The following GRHL1 variants were observed in gnomAD, a reference collection of about 807,000 sequenced individuals.
GRHL1 encodes the protein grainyhead-like protein 1 homolog.
A neutral mutation model predicts 75.7 loss-of-function variants in GRHL1; 38 were observed. The observed-to-expected ratio is 0.50, with a 90% CI of 0.39 to 0.66. The LOEUF (loss-of-function observed/expected upper bound fraction) is 0.66. Among genes scored for constraint, GRHL1 ranks in the 30% least tolerant of loss-of-function variants. GRHL1 has a pLI of 0.00. For missense variants in GRHL1, 589 were observed against 767.5 expected (o/e 0.77, Z 2.75); for synonymous variants, 266 against 279.4 (o/e 0.95, Z 0.48).
Position 10,000,991 on chromosome 2 carries a change from A to T in GRHL1, c.*284A>T. The stretch of plus-strand genomic sequence containing the variant: ...AAAACTTTATTCCAAGAGTTAACAG[A>T]GTCTCTGGGAAGCTTTAGGACATCT... On this transcript the variant is annotated 3_prime_UTR_variant, in exon 16 of 16. Coordinates refer to ENST00000324907, the MANE Select transcript of GRHL1 (RefSeq NM_198182.3). 4.3e-6 allele frequency: 1 copy of T among 230,160 alleles called. No homozygotes were observed. The allele number at this position is 230,160 out of a possible 1,614,324, so 14.3% of individuals were successfully genotyped here.
intron 8 of GRHL1, 121 bp from the exon 9 acceptor site, chr2:9,986,003 A>C (rs1441375955): frequency 2.4e-5 from 16 of 670,456 alleles, no homozygotes. Context: ...TTAAAAAATG[A>C]GAAGCTGAGC....
intron 3 of GRHL1, chr2:9,959,701 T>A (rs559319810): frequency 6.6e-6 from 1 of 152,366 alleles, no homozygotes; most frequent in South Asian, 2.1e-4. Flanking sequence ...TCAACAGTTA[T>A]CAACACAATT....
chr2:9,961,311 C>G lies in GRHL1; in HGVS notation c.544C>G (p.Arg182Gly). The G allele has an allele frequency of 6.2e-7, 1 of 1,614,158 alleles. No individual in the cohort carries two copies. The highest frequency in any genetic ancestry group is 8.5e-7 in the Non-Finnish European group (1 of 1,180,030). Residue 182 changes from arginine to glycine, a missense_variant, in exon 4 of 16, where the codon CGG becomes GGG. Physicochemically the swap from Arg to Gly is moderately radical, Grantham distance 125. Coordinates refer to ENST00000324907, the MANE Select transcript of GRHL1 (RefSeq NM_198182.3). The stretch of plus-strand genomic sequence containing the variant: ...AGTGTATCATCCTGAGCCCACTGAG[C>G]GGGTGGTGGTTTTCGATCGGAATCT... ...PAVYHPEPTERVVVFDRNLNT... is the reference protein window; with the variant it reads ...PAVYHPEPTEGVVVFDRNLNT...
intron 12 of GRHL1, chr2:9,995,308 A>C (rs753704849): frequency 1.3e-5 from 2 of 152,238 alleles, no homozygotes; most frequent in East Asian, 1.9e-4. Flanking sequence ...GAAGCACCAG[A>C]CAGCCAGGCG....
At position 10,002,063 on chromosome 2, in the gene GRHL1, G is replaced by A. The variant is rs975396261; in HGVS notation, c.*1356G>A. Reference sequence around the variant, plus strand: ...TTCAGGGAACTAGACTAGGTCATTCGTGTAAATGGACTGGTAGTTACAGTC... The same window carrying A: ...TTCAGGGAACTAGACTAGGTCATTCATGTAAATGGACTGGTAGTTACAGTC... On this transcript the variant is annotated 3_prime_UTR_variant, in exon 16 of 16. Transcript: ENST00000324907. 5 of 152,600 alleles carry A rather than the reference G, an allele frequency of 3.3e-5. No homozygotes were observed. The highest frequency in any genetic ancestry group is 2.1e-4 in the South Asian group (1 of 4,832). The allele number at this position is 152,600 out of a possible 1,614,324, so 9.5% of individuals were successfully genotyped here.
chr2:9,997,863 A>C (rs1186078083), intron 14 of GRHL1, among the ~76,000 whole-genome samples: 1 of 152,080 alleles, frequency 6.6e-6, no homozygotes, highest in East Asian at 1.9e-4. Context: ...AAAACATGCA[A>C]ATTCTGATTA....
At position 10,001,871 on chromosome 2, in the gene GRHL1, G is replaced by A. The variant is rs1274969232; in HGVS notation, c.*1164G>A. On this transcript the variant is annotated 3_prime_UTR_variant, in exon 16 of 16. Coordinates refer to ENST00000324907, the MANE Select transcript of GRHL1 (RefSeq NM_198182.3). ...TTTTGAGAAATGATTATTTTATCAC[G>A]CATCAGAGCCTTCGTGCTTTGATTA... 2 of 152,406 alleles carry A rather than the reference G, an allele frequency of 1.3e-5. No individual in the cohort carries two copies. Among genetic ancestry groups the A allele is most frequent in the Admixed American group, 6.6e-5 (1 of 15,262 alleles). 9.4% of individuals were successfully genotyped at this position (152,406 alleles called of 1,614,324 possible).
intron 12 of GRHL1, among the ~76,000 whole-genome samples, chr2:9,994,485 C>A (rs13001446): frequency 0.12 from 18,495 of 152,104 alleles, 1,718 homozygotes; most frequent in Admixed American, 0.26. Flanking sequence ...TCCCTCTTCC[C>A]TCATCTTCCA....
At chr2:9,999,478 C>T (rs1387072563) in intron 15 of GRHL1, among the ~76,000 whole-genome samples, 6 of 152,212 alleles carry the variant, frequency 3.9e-5, no homozygotes, top group East Asian at 3.8e-4. Context: ...GCACGTCCCA[C>T]GGTGCTGCGC....
rs1375955973 is a variant in GRHL1 at position 9,992,753 on chromosome 2, T to G, written c.1462-454T>G. Among the ~76,000 whole-genome samples the G allele has an allele frequency of 6.6e-6, 1 of 152,228 alleles. No homozygotes were observed. The highest frequency in any genetic ancestry group is 1.9e-4 in the East Asian group (1 of 5,204). ...CTTTCATGCACTTTGTGGACAGATT[T>G]ATAAGGACTAAAGATTCGTCAGAGT... On this transcript the variant is annotated intron_variant, in intron 11 of 15. Transcript: ENST00000324907. This position sits in a 1 kb window ranked among gnomAD's most constrained non-coding sequence, Gnocchi z 4.6.
intron 7 of GRHL1, 53 bp downstream of exon 7, chr2:9,964,399 T>C: frequency 1.0e-6 from 1 of 958,578 alleles, no homozygotes; most frequent in Non-Finnish European, 1.6e-6. Context: ...CATCCAGTTT[T>C]CTAAATCCAA....
At position 9,961,166 on chromosome 2, in the gene GRHL1, T is replaced by C; in HGVS notation, c.399T>C (p.Asp133=). The C allele has an allele frequency of 1.2e-6, 2 of 1,614,016 alleles. No homozygotes were observed. The highest frequency in any genetic ancestry group is 2.2e-5 in the East Asian group (1 of 44,872). The change falls in exon 4 of 16, where the codon GAT becomes GAC. Residue 133 remains aspartate, a synonymous_variant. Coordinates refer to ENST00000324907, the MANE Select transcript of GRHL1 (RefSeq NM_198182.3). The part of the protein sequence containing the change: ...VLPHGNQLGI[D]KRGHLTAPDT... ...CCCATGGCAACCAGCTGGGCATTGATAAGAGAGGCCATCTGACAGCTCCAG... is the reference window on the plus strand; with the variant it reads ...CCCATGGCAACCAGCTGGGCATTGACAAGAGAGGCCATCTGACAGCTCCAG...
In GRHL1 at chr2:9,968,016, T is replaced by A. The variant is rs942593208; in HGVS notation, c.1110+2635T>A. 2.0e-5 allele frequency among the ~76,000 whole-genome samples: 3 copies of A among 152,214 alleles called. No individual in the cohort carries two copies. The highest frequency in any genetic ancestry group is 4.4e-5 in the Non-Finnish European group (3 of 68,026). ...CTATGTGGCATTTCCTCCCCTCCCC[T>A]TTTAGTGATCTCTAATGTACCCTTT... is the stretch of plus-strand genomic sequence containing the variant. On this transcript the variant is annotated intron_variant, in intron 8 of 15. Coordinates refer to ENST00000324907, the MANE Select transcript of GRHL1 (RefSeq NM_198182.3). This position sits in a 1 kb window ranked among gnomAD's most constrained non-coding sequence, Gnocchi z 4.7.
In GRHL1 at chr2:9,998,864, G is replaced by GTATATATATGTACACATATATATACA; in HGVS notation, c.1678-91_1678-66dup. The GTATATATATGTACACATATATATACA allele has an allele frequency of 1.2e-4, 13 of 105,616 alleles. No individual in the cohort carries two copies. The South Asian group carries it at 1.4e-3, about 11-fold the overall frequency. The allele number at this position is 105,616 out of a possible 1,614,324, so 6.5% of individuals were successfully genotyped here. ...TATATATATGTACACATATATATAC[G>GTATATATATGTACACATATATATACA]TATATATATGTACACATATATATAC... On this transcript the variant is annotated intron_variant, in intron 14 of 15. Transcript: ENST00000324907.
intron 14 of GRHL1, among the ~76,000 whole-genome samples, chr2:9,998,285 C>T (rs1290183815): frequency 6.6e-6 from 1 of 151,546 alleles, no homozygotes; most frequent in Non-Finnish European, 1.5e-5. Context: ...GAAAGGAAGA[C>T]AGCCACAGCT....
chr2:9,978,510 G>C (rs1175464439), intron 8 of GRHL1, among the ~76,000 whole-genome samples: 1 of 152,170 alleles, frequency 6.6e-6, no homozygotes, highest in Non-Finnish European at 1.5e-5. Flanking sequence ...GCTGGATTTT[G>C]GAAGGCCTTG....
In GRHL1 at chr2:9,961,347, C is replaced by T; in HGVS notation, c.580C>T (p.Gln194Ter). 1 of 1,614,156 alleles carries T rather than the reference C, an allele frequency of 6.2e-7. No individual in the cohort carries two copies. The highest frequency in any genetic ancestry group is 8.5e-7 in the Non-Finnish European group (1 of 1,179,994). The part of the protein sequence containing the change: ...VVFDRNLNTD[Q>*]FSSGAQAPNA... The stretch of plus-strand genomic sequence containing the variant: ...TTTCGATCGGAATCTCAATACTGAC[C>T]AGTTCAGCTCTGGTGCTCAAGCCCC... The change falls in exon 4 of 16, where the codon CAG becomes TAG. Residue 194 changes from glutamine to a stop codon, truncating the protein, a stop_gained. Coordinates refer to ENST00000324907, the MANE Select transcript of GRHL1 (RefSeq NM_198182.3). LOFTEE classifies it high-confidence loss of function.
chr2:9,965,774 C>T (rs1403462893), intron 8 of GRHL1: 1 of 178,626 alleles, frequency 5.6e-6, no homozygotes, highest in Non-Finnish European at 1.2e-5. Context: ...TTGAGAAAGG[C>T]TCTTAAATAT....
intron 14 of GRHL1, among the ~76,000 whole-genome samples, chr2:9,998,609 T>TATATATGTAC (rs1553307016): frequency 2.0e-5 from 1 of 49,310 alleles, no homozygotes; most frequent in South Asian, 4.4e-4. Flanking sequence ...CATATATATA[T>TATATATGTAC]ACATATATAT....
Sources: allele counts gnomAD v4.1 joint callset (sites outside exome capture counted in the v4.1 genomes callset), GRCh38; gene constraint gnomAD v4.1.1; non-coding constraint Gnocchi (gnomAD v3.1); transcripts MANE v1.5; gene names NCBI Gene and HGNC (gene_info 2026-07-23, HGNC 2026-07-21).